Variants in CAST observed in about 807,000 individuals in gnomAD.
CAST encodes the protein MIR583 host.
A neutral mutation model predicts 119.6 loss-of-function variants in CAST; 76 were observed. That is an observed-to-expected ratio of 0.64 (90% CI 0.53 to 0.77). CAST has a LOEUF of 0.77. CAST is among the 30% of genes least tolerant of loss of function. CAST has a pLI of 0.00. For synonymous variants in CAST, 319 were observed against 331.6 expected (o/e 0.96, Z 0.41); for missense variants, 953 against 946.5 (o/e 1.01, Z -0.09).
chr5:96,633,723 A>G (rs115356565), intron 1 of CAST, among the ~76,000 whole-genome samples: 3,232 of 152,348 alleles, frequency 0.021, 50 homozygotes, highest in Non-Finnish European at 0.033. Context: ...TTCTTCACCC[A>G]GGACAAAGTG....
At chr5:96,236,127 CTCTATCTATCT>C in the CAST span, among the ~76,000 whole-genome samples, 5 of 144,192 alleles carry the variant, frequency 3.5e-5, no homozygotes, top group South Asian at 6.6e-4. Flanking sequence ...CTATCTATCT[CTCTATCTATCT>C]ATCCATCCAT....
the CAST span, among the ~76,000 whole-genome samples, chr5:96,288,163 G>A: frequency 2.5e-4 from 38 of 152,090 alleles, no homozygotes; most frequent in Non-Finnish European, 2.4e-4. Flanking sequence ...TGTGAATTGT[G>A]GGTGCACCTG....
At chr5:96,677,818 C>G (rs1330857763) in intron 2 of CAST, among the ~76,000 whole-genome samples, 1 of 152,164 alleles carries the variant, frequency 6.6e-6, no homozygotes, top group Non-Finnish European at 1.5e-5. Context: ...GTGAATTGGG[C>G]AGCATTCAAA....
chr5:96,635,912 A>G (rs1460047846), intron 1 of CAST, among the ~76,000 whole-genome samples: 1 of 152,156 alleles, frequency 6.6e-6, no homozygotes, highest in East Asian at 1.9e-4. Flanking sequence ...ACTACTTCCT[A>G]GAACCCTGGC....
the CAST span, among the ~76,000 whole-genome samples, chr5:96,452,976 A>AAAAAAAAAGAAG: frequency 3.5e-5 from 5 of 142,428 alleles, no homozygotes; most frequent in African/African-American, 1.5e-4. Context: ...AAAAAAAAAA[A>AAAAAAAAAGAAG]CAGAAGAAAG....
chr5:96,507,752 T>G, the CAST span, among the ~76,000 whole-genome samples: 1 of 152,110 alleles, frequency 6.6e-6, no homozygotes, highest in Middle Eastern at 3.2e-3. Flanking sequence ...GGGGTAGGCT[T>G]TCCAGTAATT....
the CAST span, among the ~76,000 whole-genome samples, chr5:96,322,351 G>A: frequency 1.3e-5 from 2 of 152,044 alleles, no homozygotes; most frequent in African/African-American, 2.4e-5. Flanking sequence ...AAAGTGCTAC[G>A]GTCATTTGTA....
chr5:96,143,444 C>G, the CAST span, among the ~76,000 whole-genome samples: 1 of 152,190 alleles, frequency 6.6e-6, no homozygotes, highest in Non-Finnish European at 1.5e-5. Context: ...TGAATTTGCT[C>G]TCTTGCTATT....
chr5:96,675,697 C>A, intron 2 of CAST, 96 bp downstream of exon 2: 1 of 876,556 alleles, frequency 1.1e-6, no homozygotes, highest in Non-Finnish European at 1.8e-6. Context: ...AGAGCTTCTA[C>A]CTTGCTTAAT....
the CAST span, among the ~76,000 whole-genome samples, chr5:96,407,783 T>C: frequency 3.3e-5 from 5 of 152,216 alleles, no homozygotes; most frequent in African/African-American, 1.2e-4. Context: ...GGCTTACATA[T>C]TCAAAGAAAG....
chr5:95,993,293 G>C, the CAST span, among the ~76,000 whole-genome samples: 1 of 152,124 alleles, frequency 6.6e-6, no homozygotes, highest in Non-Finnish European at 1.5e-5. Flanking sequence ...TTAAATGTAA[G>C]GGCTAAAGCT....
the CAST span, among the ~76,000 whole-genome samples, chr5:96,057,030 T>A: frequency 6.6e-6 from 1 of 152,178 alleles, no homozygotes; most frequent in African/African-American, 2.4e-5. Context: ...GGCTGCTACA[T>A]GGTTGGATAA....
chr5:96,206,071 A>C, the CAST span, among the ~76,000 whole-genome samples: 4 of 151,728 alleles, frequency 2.6e-5, no homozygotes, highest in Admixed American at 2.0e-4. Flanking sequence ...ATGATTAGGG[A>C]TGTTGAGAAT....
chr5:96,104,582 C>T, the CAST span, among the ~76,000 whole-genome samples: 2 of 151,936 alleles, frequency 1.3e-5, no homozygotes, highest in Non-Finnish European at 2.9e-5. Flanking sequence ...CTGTTCTGTT[C>T]CTTTGATCTA....
the CAST span, among the ~76,000 whole-genome samples, chr5:96,401,338 A>G: frequency 6.6e-6 from 1 of 152,168 alleles, no homozygotes. Context: ...CAAAAGCACC[A>G]AAGTGGGACA....
chr5:96,169,989 G>A, the CAST span, among the ~76,000 whole-genome samples: 2 of 152,152 alleles, frequency 1.3e-5, no homozygotes, highest in African/African-American at 2.4e-5. Context: ...CAACAGTTAT[G>A]GAGGCAAAGG....
chr5:96,157,628 G>A, the CAST span, among the ~76,000 whole-genome samples: 4 of 152,118 alleles, frequency 2.6e-5, no homozygotes, highest in Non-Finnish European at 4.4e-5. Flanking sequence ...TGTTAGCAAC[G>A]GAATTATTCA....
At chr5:96,165,767 G>A in the CAST span, among the ~76,000 whole-genome samples, 1 of 152,126 alleles carries the variant, frequency 6.6e-6, no homozygotes, top group Non-Finnish European at 1.5e-5. Context: ...TAAAATAAAA[G>A]TGAATCAATA....
chr5:96,006,657 A>C, the CAST span, among the ~76,000 whole-genome samples: 1 of 152,170 alleles, frequency 6.6e-6, no homozygotes, highest in African/African-American at 2.4e-5. Flanking sequence ...CACCAAGGAT[A>C]TGTTGTGTCT....
Sources: gnomAD v4.1 joint callset for allele counts (sites outside exome capture counted in the v4.1 genomes callset) on GRCh38, gnomAD v4.1.1 for gene constraint, MANE v1.5 for transcripts, NCBI Gene and HGNC (gene_info 2026-07-23, HGNC 2026-07-21) for gene names.